IGFL2: variants seen among roughly 807,000 people sequenced by gnomAD.
The protein encoded by IGFL2 is insulin growth factor-like family member 2.
IGFL2 carries 7 observed loss-of-function variants against 13.9 expected under a neutral mutation model. The observed-to-expected ratio is 0.51, with a 90% confidence interval of 0.29 to 0.95. The LOEUF (loss-of-function observed/expected upper bound fraction) is 0.95, where lower values mean the gene tolerates loss of function less well. Among genes scored for constraint, IGFL2 ranks in the 40% least tolerant of loss-of-function variants. The pLI, the probability that IGFL2 is intolerant of heterozygous loss-of-function variation, is 0.08. For synonymous variants in IGFL2, 55 were observed against 55.8 expected, an observed-to-expected ratio of 0.99 and a Z score of 0.07; for missense variants, 138 against 147.8, an observed-to-expected ratio of 0.93 and a Z score of 0.34.
chr19:46,087,298 T>A, the IGFL2 span, among the ~76,000 whole-genome samples: 1 of 152,158 alleles, frequency 6.6e-6, no homozygotes, highest in South Asian at 2.1e-4. Context: ...GGCTCACAGG[T>A]GGCACCTGCA....
At chr19:46,174,337 C>G in the IGFL2 span, among the ~76,000 whole-genome samples, 2 of 152,024 alleles carry the variant, frequency 1.3e-5, no homozygotes, top group Non-Finnish European at 2.9e-5. Flanking sequence ...TGCAGGGGAC[C>G]CGCCCTTGTG....
chr19:46,171,709 T>C, the IGFL2 span, among the ~76,000 whole-genome samples: 3 of 152,142 alleles, frequency 2.0e-5, no homozygotes, highest in Non-Finnish European at 4.4e-5. Flanking sequence ...AAGGAGAAAA[T>C]GCGAGTACAC....
At chr19:46,121,904 A>G in the IGFL2 span, among the ~76,000 whole-genome samples, 1 of 150,868 alleles carries the variant, frequency 6.6e-6, no homozygotes, top group Non-Finnish European at 1.5e-5. Flanking sequence ...TGATTTGCAT[A>G]TTTCTTTTTT....
chr19:46,179,822 A>G, the IGFL2 span, among the ~76,000 whole-genome samples: 1 of 152,164 alleles, frequency 6.6e-6, no homozygotes, highest in Non-Finnish European at 1.5e-5. Flanking sequence ...GGGCTGAGGC[A>G]TAAGAATTGC....
chr19:46,149,484 C>A (rs1052840944), intron 1 of IGFL2, among the ~76,000 whole-genome samples: 1 of 151,272 alleles, frequency 6.6e-6, no homozygotes, highest in Non-Finnish European at 1.5e-5. Flanking sequence ...TCCGAGTCAC[C>A]TGGCTCCATA....
the IGFL2 span, among the ~76,000 whole-genome samples, chr19:46,169,452 GGAGA>G: frequency 1.3e-5 from 2 of 152,048 alleles, no homozygotes; most frequent in Non-Finnish European, 2.9e-5. Context: ...AGAAGAAAGT[GGAGA>G]GAGAGAGTGA....
At chr19:46,146,773 C>T (rs6509255), upstream of IGFL2, among the ~76,000 whole-genome samples, 94,953 of 151,892 alleles carry the variant, frequency 0.63, 30,471 homozygotes, top group Middle Eastern at 0.7. Flanking sequence ...CAATTGACTT[C>T]TGTGTGTTTC....
the IGFL2 span, among the ~76,000 whole-genome samples, chr19:46,133,224 C>T: frequency 2.3e-4 from 35 of 152,088 alleles, no homozygotes; most frequent in Non-Finnish European, 4.6e-4. Flanking sequence ...AATGGGTGCT[C>T]GGTGTCACAA....
chr19:46,161,576 TG>T, downstream of IGFL2, among the ~76,000 whole-genome samples: 1 of 152,354 alleles, frequency 6.6e-6, no homozygotes, highest in South Asian at 2.1e-4. Context: ...TACCATTATG[TG>T]ATGCCCTTCT....
chr19:46,113,423 G>T, the IGFL2 span: 1 of 403,008 alleles, frequency 2.5e-6, no homozygotes, highest in South Asian at 1.8e-5. Flanking sequence ...CTTCCATTTT[G>T]ACTGAACAAA....
the IGFL2 span, among the ~76,000 whole-genome samples, chr19:46,168,747 C>T: frequency 6.6e-6 from 1 of 152,194 alleles, no homozygotes; most frequent in African/African-American, 2.4e-5. Flanking sequence ...TCCATGATCC[C>T]AGGTTGCAGT....
At chr19:46,142,419 T>C (rs1009582343), upstream of IGFL2, among the ~76,000 whole-genome samples, 8 of 152,254 alleles carry the variant, frequency 5.3e-5, no homozygotes, top group African/African-American at 1.9e-4. Flanking sequence ...ACGTGAAATA[T>C]AGCATTGAGA....
chr19:46,104,516 G>A, the IGFL2 span, among the ~76,000 whole-genome samples: 11 of 152,182 alleles, frequency 7.2e-5, no homozygotes, highest in African/African-American at 2.7e-4. Flanking sequence ...CTGGAAAAAG[G>A]GAAGAAATGA....
chr19:46,092,328 T>TA, the IGFL2 span, among the ~76,000 whole-genome samples: 2 of 151,712 alleles, frequency 1.3e-5, no homozygotes, highest in South Asian at 2.1e-4. Context: ...CCTGGCTAAT[T>TA]AAAAAAAATT....
chr19:46,149,018 C>T, intron 1 of IGFL2: 9 of 1,605,614 alleles, frequency 5.6e-6, no homozygotes, highest in Non-Finnish European at 7.7e-6. Context: ...TGAGGACCGA[C>T]TACCCCAGGA....
intron 1 of IGFL2, among the ~76,000 whole-genome samples, chr19:46,158,501 G>A (rs1279591476): frequency 2.3e-5 from 3 of 128,106 alleles, no homozygotes; most frequent in Admixed American, 9.6e-5. Context: ...GAGCCACCAC[G>A]CCCGGCCTGA....
chr19:46,205,291 G>A, the IGFL2 span, among the ~76,000 whole-genome samples: 2 of 152,182 alleles, frequency 1.3e-5, no homozygotes, highest in Admixed American at 1.3e-4. Context: ...AGCTTCCACA[G>A]GTGAATGCCA....
chr19:46,119,547 G>T, the IGFL2 span, among the ~76,000 whole-genome samples: 9 of 141,342 alleles, frequency 6.4e-5, no homozygotes, highest in Admixed American at 2.1e-4. Flanking sequence ...TACTACTGGG[G>T]CCAAAGACTG....
At chr19:46,114,740 A>G in the IGFL2 span, among the ~76,000 whole-genome samples, 1 of 152,280 alleles carries the variant, frequency 6.6e-6, no homozygotes, top group Admixed American at 6.5e-5. Flanking sequence ...CATGATTTTA[A>G]ATTTCCAGAG....
Sources: gnomAD v4.1 joint callset for allele counts (sites outside exome capture counted in the v4.1 genomes callset) on GRCh38, gnomAD v4.1.1 for gene constraint, MANE v1.5 for transcripts, NCBI Gene and HGNC (gene_info 2026-07-23, HGNC 2026-07-21) for gene names.